Variants in LGI2 observed in about 807,000 individuals in gnomAD.
LGI2 encodes the protein leucine-rich repeat LGI family member 2.
In LGI2, 30 loss-of-function variants were observed where a neutral mutation model predicts 52.0. That is an observed-to-expected ratio of 0.58 (90% CI 0.43 to 0.78). The LOEUF (loss-of-function observed/expected upper bound fraction) is 0.78, where lower values mean the gene tolerates loss of function less well. Ranked by LOEUF, LGI2 falls within the 30% of genes least tolerant of loss-of-function variation. The pLI is 0.00. For synonymous variants in LGI2, 270 were observed against 271.8 expected, an observed-to-expected ratio of 0.99 and a Z score of 0.06; for missense variants, 573 against 692.5, an observed-to-expected ratio of 0.83 and a Z score of 1.94.
chr4:25,005,845 C>A (rs548099968), intron 7 of LGI2, among the ~76,000 whole-genome samples: 104 of 152,298 alleles, frequency 6.8e-4, no homozygotes, highest in African/African-American at 2.4e-3. Flanking sequence ...CCCAGCCCCG[C>A]ACCTTGTAAG....
intron 3 of LGI2, among the ~76,000 whole-genome samples, chr4:25,025,412 A>G (rs529384207): frequency 1.3e-5 from 2 of 152,332 alleles, no homozygotes; most frequent in South Asian, 2.1e-4. Context: ...GTCCTACACC[A>G]TCTAGTCACC....
rs75587488 is a variant in LGI2 at position 25,018,159 on chromosome 4, C to T, written c.486-1G>A. ...TTCAAATTTATTACCCCTCAAATCT[C>T]TAAAAATCAAAATAAAACACAAACA... On this transcript the variant is annotated splice_acceptor_variant, in intron 5 of 7. Coordinates refer to ENST00000382114, the MANE Select transcript of LGI2 (RefSeq NM_018176.4). LOFTEE classifies it high-confidence loss of function. 1 of 1,583,702 alleles carries T rather than the reference C, an allele frequency of 6.3e-7. No homozygotes were observed. The highest frequency in any genetic ancestry group is 8.6e-7 in the Non-Finnish European group (1 of 1,167,244).
At chr4:25,019,612 C>A (rs1725889207) in intron 4 of LGI2, among the ~76,000 whole-genome samples, 1 of 152,164 alleles carries the variant, frequency 6.6e-6, no homozygotes, top group African/African-American at 2.4e-5. Flanking sequence ...CTCAGTGGAT[C>A]TCTGATCTAG....
intron 4 of LGI2, among the ~76,000 whole-genome samples, chr4:25,020,983 T>C (rs1007506261): frequency 2.0e-5 from 3 of 152,186 alleles, no homozygotes; most frequent in African/African-American, 7.2e-5. Context: ...TCCTGGTCGA[T>C]GGTCACTTTT....
At chr4:25,007,718 G>A (rs1449918031) in intron 7 of LGI2, among the ~76,000 whole-genome samples, 5 of 151,854 alleles carry the variant, frequency 3.3e-5, no homozygotes, top group South Asian at 2.1e-4. Context: ...AAGATGAGAC[G>A]TAGAGAGAAC....
chr4:25,030,387 C>G, intron 1 of LGI2, 110 bp downstream of exon 1: 1 of 1,180,568 alleles, frequency 8.5e-7, no homozygotes, highest in Non-Finnish European at 1.2e-6. Flanking sequence ...AAAGAAGGGG[C>G]CTGGGGAGTG....
In LGI2 at chr4:25,030,766, A is replaced by G. The variant is rs912624423; in HGVS notation, c.-73T>C. 2.3e-6 allele frequency: 2 copies of G among 881,034 alleles called. No individual in the cohort carries two copies. Among genetic ancestry groups the G allele is most frequent in the African/African-American group, 3.6e-5 (2 of 54,974 alleles). 54.6% of individuals were successfully genotyped at this position (881,034 alleles called of 1,614,324 possible). A position where few individuals can be genotyped will look rare whatever the true frequency, so the allele number is the denominator to read the frequency against. On this transcript the variant is annotated 5_prime_UTR_variant, in exon 1 of 8. Transcript: ENST00000382114. ...GCGCGCTCGGACCCGGCGCCGCTGC[A>G]GACGCGGGCGCCGCTCGCTGCTCTG...
intron 2 of LGI2, among the ~76,000 whole-genome samples, 175 bp from the exon 3 acceptor site, chr4:25,027,114 G>A (rs143265963): frequency 1.4e-3 from 216 of 152,232 alleles, no homozygotes; most frequent in African/African-American, 5.0e-3. Context: ...TCTTAGAGAC[G>A]ATGGCAAGTG....
At chr4:25,023,333 T>C (rs1306373797) in intron 4 of LGI2, among the ~76,000 whole-genome samples, 1 of 152,202 alleles carries the variant, frequency 6.6e-6, no homozygotes, top group African/African-American at 2.4e-5. Context: ...TACAGGAATT[T>C]GGGGATTTGA....
intron 6 of LGI2, among the ~76,000 whole-genome samples, 196 bp downstream of exon 6, chr4:25,017,793 A>G (rs918410047): frequency 3.5e-4 from 53 of 152,216 alleles, no homozygotes; most frequent in African/African-American, 1.0e-3. Context: ...CAGGGCAGTT[A>G]ACAAAAATTC....
chr4:25,017,913 T>C, intron 6 of LGI2, 76 bp downstream of exon 6: 1 of 1,267,946 alleles, frequency 7.9e-7, no homozygotes, highest in Non-Finnish European at 1.1e-6. Context: ...TTTTCCCCAG[T>C]CTCTGTTGAC....
chr4:25,018,558 CT>C (rs1560292343), intron 5 of LGI2, among the ~76,000 whole-genome samples: 1 of 152,124 alleles, frequency 6.6e-6, no homozygotes, highest in Non-Finnish European at 1.5e-5. Flanking sequence ...ACTTCAAGCT[CT>C]TGTTAAAACT....
downstream of LGI2, among the ~76,000 whole-genome samples, chr4:24,996,954 C>T (rs2109397288): frequency 6.6e-6 from 1 of 152,300 alleles, no homozygotes; most frequent in Non-Finnish European, 1.5e-5. Flanking sequence ...CTGGGGTAGC[C>T]TTTCCATGAC....
chr4:25,018,811 G>C (rs1308041089), intron 5 of LGI2, among the ~76,000 whole-genome samples: 3 of 151,820 alleles, frequency 2.0e-5, no homozygotes, highest in Non-Finnish European at 4.4e-5. Context: ...GTAATGAGTG[G>C]AGATCATACC....
downstream of LGI2, among the ~76,000 whole-genome samples, chr4:24,994,844 A>G (rs1254440213): frequency 6.6e-6 from 1 of 152,188 alleles, no homozygotes; most frequent in Non-Finnish European, 1.5e-5. Context: ...CTGAGATATC[A>G]TGGATAGTCT....
chr4:25,021,262 T>C (rs1257919395), intron 4 of LGI2, among the ~76,000 whole-genome samples: 1 of 152,182 alleles, frequency 6.6e-6, no homozygotes, highest in Non-Finnish European at 1.5e-5. Context: ...TGGCACTTAC[T>C]TTATTTCTAA....
At chr4:25,027,244 T>C (rs910472492) in intron 2 of LGI2, among the ~76,000 whole-genome samples, 13 of 152,264 alleles carry the variant, frequency 8.5e-5, no homozygotes, top group Admixed American at 8.5e-4. Flanking sequence ...TCAGCACGAC[T>C]AAACAGCCAG....
chr4:25,003,845 G>A lies in LGI2; in HGVS notation c.1244C>T (p.Pro415Leu). The A allele has an allele frequency of 6.2e-7, 1 of 1,614,162 alleles. No individual in the cohort carries two copies. The highest frequency in any genetic ancestry group is 8.5e-7 in the Non-Finnish European group (1 of 1,180,042). Residue 415 changes from proline to leucine, a missense_variant, in exon 8 of 8, where the codon CCC becomes CTC. Transcript: ENST00000382114. ...CACAGCCAGTACGTCCTCCATGTTG[G>A]GGATGTCACCATGGGGGACAAACTT... ...SKKFVPHGDI[P>L]NMEDVLAVKS... is the part of the protein sequence containing the mutation.
At chr4:25,005,908 C>T (rs1010282605) in intron 7 of LGI2, among the ~76,000 whole-genome samples, 47 of 152,284 alleles carry the variant, frequency 3.1e-4, no homozygotes, top group African/African-American at 1.0e-3. Flanking sequence ...GTTCCTCATT[C>T]GTAAAATGAG....
Sources: allele counts gnomAD v4.1 joint callset (sites outside exome capture counted in the v4.1 genomes callset), GRCh38; gene constraint gnomAD v4.1.1; transcripts MANE v1.5; gene names NCBI Gene and HGNC (gene_info 2026-07-23, HGNC 2026-07-21).